PRKG1: variants seen among roughly 807,000 people sequenced by gnomAD.
The protein encoded by PRKG1 is cGMP-dependent protein kinase 1.
In PRKG1, 35 loss-of-function variants were observed where a neutral mutation model predicts 88.1. The observed-to-expected ratio is 0.40, with a 90% CI of 0.30 to 0.53. The LOEUF is 0.53. Ranked by LOEUF, PRKG1 falls within the 20% of genes least tolerant of loss-of-function variation. The pLI is 0.59. For synonymous variants in PRKG1, 303 were observed against 292.5 expected (o/e 1.04, Z -0.37); for missense variants, 540 against 839.8 (o/e 0.64, Z 4.41).
rs374816419 is a variant in PRKG1, at chr10:51,074,559, G to C, written c.-32G>C. On this transcript the variant is annotated 5_prime_UTR_variant, in exon 1 of 18. Transcript: ENST00000373980. ...GGAAGCCTCAAGACGCGGAGCAGCG[G>C]CAGGAAGGAGCCCCCGGCAGCCCGG... 42 of 1,590,686 alleles carry C rather than the reference G, an allele frequency of 2.6e-5. No individual in the cohort carries two copies. Among genetic ancestry groups the C allele is most frequent in the Non-Finnish European group, 3.5e-5 (41 of 1,165,786 alleles).
At chr10:51,648,889 TAA>T (rs1343434084) in intron 3 of PRKG1, among the ~76,000 whole-genome samples, 2 of 152,152 alleles carry the variant, frequency 1.3e-5, no homozygotes, top group Non-Finnish European at 2.9e-5. Context: ...ATGTTTGCAG[TAA>T]ATTATGTCCA....
At chr10:51,549,128 T>C (rs1206624590) in intron 3 of PRKG1, among the ~76,000 whole-genome samples, 2 of 116,848 alleles carry the variant, frequency 1.7e-5, no homozygotes, top group African/African-American at 6.2e-5. Flanking sequence ...TTCTTTTTTT[T>C]TTTTTTTTTT....
At chr10:51,069,340 A>G (rs972602404) in intron 1 of PRKG1, among the ~76,000 whole-genome samples, 2 of 152,014 alleles carry the variant, frequency 1.3e-5, no homozygotes, top group African/African-American at 4.8e-5. Flanking sequence ...CCATGTAAAT[A>G]TATATTCCTT....
At chr10:51,711,821 A>G (rs1841758882) in intron 3 of PRKG1, among the ~76,000 whole-genome samples, 1 of 152,214 alleles carries the variant, frequency 6.6e-6, no homozygotes. Context: ...CTTAGAAGAA[A>G]ACACTTTAAT....
At chr10:51,687,729 G>A (rs1020484244) in intron 3 of PRKG1, among the ~76,000 whole-genome samples, 4 of 152,122 alleles carry the variant, frequency 2.6e-5, no homozygotes, top group Non-Finnish European at 4.4e-5. Flanking sequence ...AATTTTTGGT[G>A]TGCCATGTTT....
At chr10:51,497,136 A>T (rs1049761084) in intron 3 of PRKG1, among the ~76,000 whole-genome samples, 3 of 152,198 alleles carry the variant, frequency 2.0e-5, no homozygotes, top group Non-Finnish European at 4.4e-5. Flanking sequence ...CATTAAGTCA[A>T]TTCACCTTTC....
At chr10:51,868,356 C>T (rs1333461632) in intron 4 of PRKG1, among the ~76,000 whole-genome samples, 1 of 151,978 alleles carries the variant, frequency 6.6e-6, no homozygotes, top group Non-Finnish European at 1.5e-5. Flanking sequence ...ATAAGGCCTT[C>T]TTACAAAATG....
chr10:52,118,410 C>T (rs10762570), intron 7 of PRKG1, among the ~76,000 whole-genome samples: 58,183 of 151,640 alleles, frequency 0.38, 11,694 homozygotes, highest in East Asian at 0.68. Flanking sequence ...TACATATCTA[C>T]ATAGAGAAAT....
intron 3 of PRKG1, among the ~76,000 whole-genome samples, chr10:51,593,950 C>A (rs1838376542): frequency 6.6e-6 from 1 of 152,078 alleles, no homozygotes; most frequent in Non-Finnish European, 1.5e-5. Flanking sequence ...ATCTTGAACT[C>A]CTGACCTCAG....
chr10:51,327,309 C>T (rs370274061), intron 2 of PRKG1, among the ~76,000 whole-genome samples: 3 of 150,756 alleles, frequency 2.0e-5, no homozygotes, highest in Admixed American at 6.6e-5. Flanking sequence ...CCCAGCTACT[C>T]GGGAGCCTGA....
chr10:51,187,253 C>G (rs1308522656), intron 2 of PRKG1, among the ~76,000 whole-genome samples: 1 of 151,620 alleles, frequency 6.6e-6, no homozygotes, highest in Non-Finnish European at 1.5e-5. Context: ...AAGGGAAGCT[C>G]CCATCTGGAC....
At chr10:51,062,347 G>A (rs1416149601) in intron 1 of PRKG1, among the ~76,000 whole-genome samples, 2 of 152,106 alleles carry the variant, frequency 1.3e-5, no homozygotes, top group Middle Eastern at 3.2e-3. Flanking sequence ...TATTTTCTTA[G>A]AAGTATTTTG....
chr10:51,266,342 A>G (rs1032171504), intron 2 of PRKG1, among the ~76,000 whole-genome samples: 12 of 152,318 alleles, frequency 7.9e-5, no homozygotes, highest in African/African-American at 2.9e-4. Context: ...AACAGACTAG[A>G]GAAAAAAGGC....
intron 3 of PRKG1, among the ~76,000 whole-genome samples, chr10:51,574,252 T>C (rs1837830058): frequency 1.3e-5 from 2 of 151,946 alleles, no homozygotes; most frequent in Admixed American, 1.3e-4. Context: ...GGAACTTTTT[T>C]TCATCACTGA....
intron 4 of PRKG1, among the ~76,000 whole-genome samples, chr10:51,887,295 T>G (rs759080039): frequency 7.3e-6 from 1 of 137,328 alleles, no homozygotes; most frequent in Non-Finnish European, 1.6e-5. Context: ...CACGTTTTTC[T>G]TTTTTTAAAT....
chr10:51,683,856 CA>C (rs1369005959), intron 3 of PRKG1, among the ~76,000 whole-genome samples: 1 of 151,992 alleles, frequency 6.6e-6, no homozygotes. Context: ...AACTTTGTTA[CA>C]AAAAAACAGA....
At position 51,863,259 on chromosome 10, in the gene PRKG1, C is replaced by T. The variant is rs547802896; in HGVS notation, c.699-44248C>T. Among the ~76,000 whole-genome samples the T allele has an allele frequency of 2.6e-5, 4 of 152,292 alleles. No individual in the cohort carries two copies. The East Asian group carries it at 7.7e-4, about 29-fold the overall frequency. Reference sequence around the variant, plus strand: ...GGAAGTTAAGGGCTATAATGGTCCACTGGTGCATCTCATATTGCCCAGCAA... The same window carrying T: ...GGAAGTTAAGGGCTATAATGGTCCATTGGTGCATCTCATATTGCCCAGCAA... On this transcript the variant is annotated intron_variant, in intron 4 of 17. Transcript: ENST00000373980.
chr10:51,806,309 A>G lies in PRKG1; in HGVS notation c.698+1619A>G, dbSNP rs112993275. On this transcript the variant is annotated intron_variant, in intron 4 of 17. Transcript: ENST00000373980. ...TTCCAAGAAAATGGACTGAGTGCCA[A>G]TGCTATCTCAAATGACTCTAACAAG... is the stretch of plus-strand genomic sequence containing the variant. Among the ~76,000 whole-genome samples, 680 of 152,298 alleles carry G rather than the reference A, an allele frequency of 4.5e-3. 8 individuals are homozygous for G. The highest frequency in any genetic ancestry group is 0.016 in the African/African-American group (655 of 41,548).
chr10:52,051,394 T>TG (rs1343367171), intron 5 of PRKG1, among the ~76,000 whole-genome samples: 1 of 152,168 alleles, frequency 6.6e-6, no homozygotes, highest in East Asian at 1.9e-4. Context: ...ATCCTTCTGT[T>TG]GGGGCTCAAG....
Sources: allele counts gnomAD v4.1 joint callset (sites outside exome capture counted in the v4.1 genomes callset), GRCh38; gene constraint gnomAD v4.1.1; transcripts MANE v1.5; gene names NCBI Gene and HGNC (gene_info 2026-07-23, HGNC 2026-07-21).